Variants in PEG3 observed in about 807,000 individuals in gnomAD.
The protein encoded by PEG3 is paternally-expressed gene 3 protein.
Under a neutral mutation model 35.5 loss-of-function variants are expected in PEG3, and 23 were observed. That is an observed-to-expected ratio of 0.65 (90% CI 0.47 to 0.92). PEG3 has a LOEUF of 0.92. PEG3 is among the 40% of genes least tolerant of loss of function. The pLI, the probability that PEG3 is intolerant of heterozygous loss-of-function variation, is 0.00. For synonymous variants in PEG3, 707 were observed against 697.0 expected, an observed-to-expected ratio of 1.01 and a Z score of -0.23; for missense variants, 1,960 against 1,985.3, an observed-to-expected ratio of 0.99 and a Z score of 0.24.
At chr19:56,838,260 C>T (rs1442331620) in intron 1 of PEG3, among the ~76,000 whole-genome samples, 1 of 152,098 alleles carries the variant, frequency 6.6e-6, no homozygotes, top group Non-Finnish European at 1.5e-5. Flanking sequence ...GGACCAGGCT[C>T]GGCAGCCCCT....
intron 8 of PEG3, among the ~76,000 whole-genome samples, 182 bp from the exon 9 acceptor site, chr19:56,818,017 A>G (rs991526788): frequency 2.6e-5 from 4 of 152,180 alleles, no homozygotes; most frequent in African/African-American, 4.8e-5. Flanking sequence ...AATCCATTCT[A>G]ATCTACATGT....
In PEG3 at chr19:56,818,799, T is replaced by C; in HGVS notation, c.670-97A>G. ...AACATGGGAGTTACATATATGAAGT[T>C]ATATAGGAAGTGCTCACGGTATTGG... On this transcript the variant is annotated intron_variant, in intron 7 of 9. Coordinates refer to ENST00000326441, the MANE Select transcript of PEG3 (RefSeq NM_006210.3). 4 of 1,396,018 alleles carry C rather than the reference T, an allele frequency of 2.9e-6. No homozygotes were observed. In the East Asian group the frequency reaches 6.9e-5, roughly 24 times the overall value. The allele number at this position is 1,396,018 out of a possible 1,614,324, so 86.5% of individuals were successfully genotyped here.
intron 2 of PEG3, 113 bp downstream of exon 2, chr19:56,835,904 TG>T (rs1601276150): frequency 2.4e-6 from 1 of 408,172 alleles, no homozygotes; most frequent in South Asian, 1.7e-5. Context: ...AGGGCACAAA[TG>T]GTGCTGGGGT....
intron 1 of PEG3, among the ~76,000 whole-genome samples, chr19:56,839,940 T>C (rs2062790994): frequency 6.6e-6 from 1 of 152,216 alleles, no homozygotes; most frequent in African/African-American, 2.4e-5. Context: ...GCCGCCCTTA[T>C]TTAAGATACC....
rs530088703 is a variant in PEG3, at chr19:56,814,363, T to G, written c.4079A>C (p.Glu1360Ala). The G allele has an allele frequency of 1.2e-6, 2 of 1,613,658 alleles. No homozygotes were observed. The highest frequency in any genetic ancestry group is 3.3e-5 in the Admixed American group (2 of 59,976). Residue 1360 changes from glutamate to alanine, a missense_variant, in exon 10 of 10, where the codon GAA becomes GCA. By Grantham distance (107) the Glu-to-Ala change is moderately radical (BLOSUM62 -1). Around this residue, in one of 5 missense-constraint regions of PEG3, gnomAD observed 416 missense variants for 416.7 expected, o/e 1.00. Coordinates refer to ENST00000326441, the MANE Select transcript of PEG3 (RefSeq NM_006210.3). The surrounding 1 kb of genome is among the most constrained non-coding windows in gnomAD (Gnocchi z 5.8). ...TGCTGCAGCTGCTGCTGCTTCATCTTCTTCTTCTTCTTCCAGATGAAGCTC... is the reference window on the plus strand; with the variant it reads ...TGCTGCAGCTGCTGCTGCTTCATCTGCTTCTTCTTCTTCCAGATGAAGCTC... ...HKELHLEEEE[E>A]DEAAAAAAAA...
chr19:56,814,458 A>T lies in PEG3; in HGVS notation c.3984T>A (p.Ala1328=). ...TSFLTEPLKG[A]IPFYECKDCG... is the part of the protein sequence containing the mutation. ...AATCCTTGCATTCATAGAATGGTAT[A>T]GCTCCTTTGAGGGGCTCAGTAAGAA... Residue 1328 remains alanine, a synonymous_variant, in exon 10 of 10, where the codon GCT becomes GCA. Coordinates refer to ENST00000326441, the MANE Select transcript of PEG3 (RefSeq NM_006210.3). The surrounding 1 kb of genome is among the most constrained non-coding windows in gnomAD (Gnocchi z 5.8). 5 of 1,613,858 alleles carry T rather than the reference A, an allele frequency of 3.1e-6. No homozygotes were observed. The highest frequency in any genetic ancestry group is 4.2e-6 in the Non-Finnish European group (5 of 1,179,732).
rs1331384038 is a variant in PEG3 at position 56,815,748 on chromosome 19, A to T, written c.2694T>A (p.Ser898Arg). ...NRNYEDSVIQ[S>R]VFRAKPQKSV... The stretch of plus-strand genomic sequence containing the variant: ...TTTTCTGAGGTTTGGCACGGAATAC[A>T]CTCTGTATGACAGAGTCTTCATAGT... Residue 898 changes from serine (S) to arginine (R), a missense_variant, in exon 10 of 10, where the codon AGT becomes AGA. Physicochemically the swap from Ser to Arg is moderately radical, Grantham distance 110. Transcript: ENST00000326441. 6.2e-7 allele frequency: 1 copy of T among 1,613,942 alleles called. No individual in the cohort carries two copies. Among genetic ancestry groups the T allele is most frequent in the Non-Finnish European group, 8.5e-7 (1 of 1,179,952 alleles).
At position 56,810,731 on chromosome 19, in the gene PEG3, T is replaced by TA. The variant is rs2048083000; in HGVS notation, c.*2943dup. 1 of 984,336 alleles carries TA rather than the reference T, an allele frequency of 1.0e-6. No homozygotes were observed. Among genetic ancestry groups the TA allele is most frequent in the Non-Finnish European group, 1.2e-6 (1 of 828,930 alleles). 61.0% of individuals were successfully genotyped at this position (984,336 alleles called of 1,614,324 possible). ...ATTTAAGACTTTATGCACACATATT[T>TA]AACACTGTTATCACAAGCGTGTGCA... On this transcript the variant is annotated 3_prime_UTR_variant, in exon 10 of 10. Transcript: ENST00000326441.
At chr19:56,821,842 G>T in intron 6 of PEG3, 88 bp from the exon 7 acceptor site, 1 of 1,426,838 alleles carries the variant, frequency 7.0e-7, no homozygotes, top group Non-Finnish European at 9.8e-7. Flanking sequence ...GAAGCCAGCT[G>T]GGGTGTGAGT....
At chr19:56,838,131 A>AC (rs1304413307) in intron 1 of PEG3, among the ~76,000 whole-genome samples, 9 of 152,014 alleles carry the variant, frequency 5.9e-5, no homozygotes, top group Non-Finnish European at 7.4e-5. Flanking sequence ...GGCCATGCAG[A>AC]CCCCGTCAGT....
intron 6 of PEG3, chr19:56,822,431 C>T (rs1264424093): frequency 1.0e-5 from 3 of 294,908 alleles, no homozygotes; most frequent in Admixed American, 4.7e-5. Context: ...TCGCCTTCTG[C>T]CTATGGCACT....
At position 56,824,508 on chromosome 19, in the gene PEG3, G is replaced by C; in HGVS notation, c.148C>G (p.Arg50Gly). 1.2e-6 allele frequency: 2 copies of C among 1,614,096 alleles called. No individual in the cohort carries two copies. The highest frequency in any genetic ancestry group is 1.7e-6 in the Non-Finnish European group (2 of 1,180,030). ...ACAAATTCCACATAGATTAGGTTCC[G>C]AAACCTCTGATGAAAAAACTCAGAG... is the stretch of plus-strand genomic sequence containing the variant. Reference protein sequence around the residue: ...TDSEFFHQRFRNLIYVEFVGP... With the variant: ...TDSEFFHQRFGNLIYVEFVGP... The change falls in exon 4 of 10, where the codon CGG becomes GGG. Residue 50 changes from arginine (R) to glycine (G), a missense_variant. By Grantham distance (125) the Arg-to-Gly change is moderately radical (BLOSUM62 -2). Coordinates refer to ENST00000326441, the MANE Select transcript of PEG3 (RefSeq NM_006210.3).
intron 2 of PEG3, among the ~76,000 whole-genome samples, chr19:56,832,190 G>A (rs752203706): frequency 3.9e-5 from 6 of 152,138 alleles, no homozygotes; most frequent in Admixed American, 1.3e-4. Context: ...ATATAAAAAT[G>A]TAAGTAAATG....
chr19:56,824,490 C>T lies in PEG3; in HGVS notation c.166G>A (p.Glu56Lys), dbSNP rs747618072. Reference protein sequence around the residue: ...HQRFRNLIYVEFVGPRKTLIK... With the variant: ...HQRFRNLIYVKFVGPRKTLIK... ...AGGGTCTTCCGAGGCCCAACAAATT[C>T]CACATAGATTAGGTTCCGAAACCTC... Residue 56 changes from glutamate (E) to lysine (K), a missense_variant, in exon 4 of 10, where the codon GAA becomes AAA. By Grantham distance (56) the Glu-to-Lys change is moderately conservative. This residue lies in a region of PEG3 where 613 missense variants were observed against 577.1 expected (regional missense o/e 1.06). Transcript: ENST00000326441. The T allele has an allele frequency of 1.2e-6, 2 of 1,613,932 alleles. No homozygotes were observed. The highest frequency in any genetic ancestry group is 3.3e-5 in the Admixed American group (2 of 59,992).
intron 4 of PEG3, 94 bp from the exon 5 acceptor site, chr19:56,823,773 A>C: frequency 2.1e-6 from 3 of 1,422,376 alleles, no homozygotes; most frequent in Non-Finnish European, 3.0e-6. Flanking sequence ...TGTCACAGAC[A>C]CACATGGTTG....
Position 56,814,425 on chromosome 19 carries a change from C to T in PEG3, c.4017G>A (p.Lys1339=). 2.5e-6 allele frequency: 4 copies of T among 1,613,832 alleles called. No homozygotes were observed. Among genetic ancestry groups the T allele is most frequent in the Non-Finnish European group, 3.4e-6 (4 of 1,179,706 alleles). Residue 1339 remains lysine (K), a synonymous_variant, in exon 10 of 10, where the codon AAG becomes AAA. Transcript: ENST00000326441. The surrounding 1 kb of genome is among the most constrained non-coding windows in gnomAD (Gnocchi z 5.8). The part of the protein sequence containing the change: ...IPFYECKDCG[K]SFIHSTVLTK... ...TGAGGACTGTGCTATGAATAAAGGACTTACCACAATCCTTGCATTCATAGA... is the reference window on the plus strand; with the variant it reads ...TGAGGACTGTGCTATGAATAAAGGATTTACCACAATCCTTGCATTCATAGA...
At position 56,815,427 on chromosome 19, in the gene PEG3, A is replaced by C. The variant is rs1179136669; in HGVS notation, c.3015T>G (p.Ser1005=). The change falls in exon 10 of 10, where the codon TCT becomes TCG. Residue 1005 remains serine (S), a synonymous_variant. Coordinates refer to ENST00000326441, the MANE Select transcript of PEG3 (RefSeq NM_006210.3). ...CAGTAGGGGCCAAGCTGCGAATGACAGACCATTCATAGTTTCTGCTTCCAG... is the reference window on the plus strand; with the variant it reads ...CAGTAGGGGCCAAGCTGCGAATGACCGACCATTCATAGTTTCTGCTTCCAG... ...KPSGSRNYEW[S]VIRSLAPTDP... 1 of 1,613,984 alleles carries C rather than the reference A, an allele frequency of 6.2e-7. No homozygotes were observed. The highest frequency in any genetic ancestry group is 1.3e-5 in the African/African-American group (1 of 74,942).
Position 56,815,216 on chromosome 19 carries a change from C to T in PEG3, c.3226G>A (p.Glu1076Lys), listed in dbSNP as rs142220075. The change falls in exon 10 of 10, where the codon GAG becomes AAG. Residue 1076 changes from glutamate (E) to lysine (K), a missense_variant. This residue lies in a region of PEG3 where 798 missense variants were observed against 782.4 expected (regional missense o/e 1.02). Coordinates refer to ENST00000326441, the MANE Select transcript of PEG3 (RefSeq NM_006210.3). ...ATTGTCTCCTGACCATGGGTCTCCT[C>T]GCTGTGGGTCTCCTCCCCATCAGTA... ...ENTDGEETHS[E>K]ETHGQETIED... 7.4e-6 allele frequency: 12 copies of T among 1,613,766 alleles called. No homozygotes were observed. The highest frequency in any genetic ancestry group is 4.0e-5 in the African/African-American group (3 of 74,928).
rs2059854958 is a variant in PEG3 at position 56,815,139 on chromosome 19, G to A, written c.3303C>T (p.Asp1101=). Residue 1101 remains aspartate (D), a synonymous_variant, in exon 10 of 10, where the codon GAC becomes GAT. Coordinates refer to ENST00000326441, the MANE Select transcript of PEG3 (RefSeq NM_006210.3). ...GSDMEDPQKD[D]PDDKIYECED... ...CACATTCATAGATTTTGTCATCAGG[G>A]TCATCCTTCTGAGGGTCTTCCATGT... 3 of 1,613,936 alleles carry A rather than the reference G, an allele frequency of 1.9e-6. No homozygotes were observed. The highest frequency in any genetic ancestry group is 1.7e-6 in the Non-Finnish European group (2 of 1,179,960).
Sources: allele counts gnomAD v4.1 joint callset (sites outside exome capture counted in the v4.1 genomes callset), GRCh38; gene constraint gnomAD v4.1.1; regional missense constraint gnomAD v4.1.1; non-coding constraint Gnocchi (gnomAD v3.1); transcripts MANE v1.5; gene names NCBI Gene and HGNC (gene_info 2026-07-23, HGNC 2026-07-21).